HHAT: variants seen among roughly 807,000 people sequenced by gnomAD.
The protein encoded by HHAT is hedgehog acyltransferase, also known as protein-cysteine N-palmitoyltransferase HHAT.
Under a neutral mutation model 70.8 loss-of-function variants are expected in HHAT, and 47 were observed. That is an observed-to-expected ratio of 0.66 (90% confidence interval 0.53 to 0.85). The LOEUF (loss-of-function observed/expected upper bound fraction) is 0.85, where lower values mean the gene tolerates loss of function less well. Ranked by LOEUF, HHAT falls within the 40% of genes least tolerant of loss-of-function variation. HHAT has a pLI of 0.00. For missense variants in HHAT, 609 were observed against 604.8 expected (o/e 1.01, Z -0.07); for synonymous variants, 228 against 247.6 (o/e 0.92, Z 0.74).
At chr1:210,346,512 A>G (rs2086540276) in intron 1 of HHAT, among the ~76,000 whole-genome samples, 1 of 152,240 alleles carries the variant, frequency 6.6e-6, no homozygotes, top group Non-Finnish European at 1.5e-5. Context: ...GAAAAATAGT[A>G]AGGAACTTGA....
At chr1:210,551,294 C>T (rs1198731859) in intron 9 of HHAT, among the ~76,000 whole-genome samples, 1 of 148,898 alleles carries the variant, frequency 6.7e-6, no homozygotes, top group Non-Finnish European at 1.5e-5. Flanking sequence ...AAAGCAGAAT[C>T]CTTAGCACCC....
intron 11 of HHAT, among the ~76,000 whole-genome samples, chr1:210,631,937 A>C (rs73063642): frequency 0.014 from 2,146 of 152,332 alleles, 57 homozygotes; most frequent in African/African-American, 0.047. Flanking sequence ...AGACGGAAAA[A>C]AGCAAATCCT....
intron 7 of HHAT, among the ~76,000 whole-genome samples, chr1:210,425,504 G>C (rs758648365): frequency 6.6e-6 from 1 of 152,028 alleles, no homozygotes; most frequent in African/African-American, 2.4e-5. Flanking sequence ...AATCGATCTT[G>C]GGTTAATTTT....
intron 3 of HHAT, among the ~76,000 whole-genome samples, chr1:210,382,699 CTG>C (rs1439424255): frequency 6.6e-6 from 1 of 152,186 alleles, no homozygotes; most frequent in Non-Finnish European, 1.5e-5. Context: ...AAGCTTCACT[CTG>C]GAGCTGACAT....
chr1:210,623,903 A>G (rs1224378493), intron 11 of HHAT, among the ~76,000 whole-genome samples: 2 of 152,092 alleles, frequency 1.3e-5, no homozygotes, highest in Non-Finnish European at 1.5e-5. Context: ...TTAACACCAA[A>G]AGGTATTATT....
At chr1:210,665,321 G>C (rs1678667243) in intron 11 of HHAT, among the ~76,000 whole-genome samples, 2 of 152,250 alleles carry the variant, frequency 1.3e-5, no homozygotes, top group South Asian at 4.1e-4. Flanking sequence ...CTTAGGAGGT[G>C]AATCTTGTTT....
Position 210,466,131 on chromosome 1 carries a change from TGAATTGCAAGGAATCGCAAG to T in HHAT, c.1007+1491_1007+1510del, listed in dbSNP as rs1275816097. Among the ~76,000 whole-genome samples, 8 of 150,954 alleles carry T rather than the reference TGAATTGCAAGGAATCGCAAG, an allele frequency of 5.3e-5. No individual in the cohort carries two copies. In the South Asian group the frequency reaches 1.3e-3, roughly 24 times the overall value. ...AGGAATCGCAAGGAATCGCAAGGAATGAATTGCAAGGAATCGCAAGGAATTGCAAGGAATTGCAATTGCAA... is the reference window on the plus strand; with the variant it reads ...AGGAATCGCAAGGAATCGCAAGGAATGAATTGCAAGGAATTGCAATTGCAA... On this transcript the variant is annotated intron_variant, in intron 8 of 11. Coordinates refer to ENST00000261458, the MANE Select transcript of HHAT (RefSeq NM_018194.6).
At chr1:210,404,899 G>T (rs2148215593) in intron 6 of HHAT, among the ~76,000 whole-genome samples, 1 of 152,202 alleles carries the variant, frequency 6.6e-6, no homozygotes, top group Non-Finnish European at 1.5e-5. Flanking sequence ...GCTCTAGGGG[G>T]TCCCACCTTG....
intron 6 of HHAT, among the ~76,000 whole-genome samples, chr1:210,409,531 G>A (rs1387320981): frequency 6.6e-6 from 1 of 152,022 alleles, no homozygotes. Flanking sequence ...TAGGAGTAGG[G>A]GTATGGTCTG....
At chr1:210,348,166 G>C (rs2086682159) in intron 1 of HHAT, among the ~76,000 whole-genome samples, 1 of 152,134 alleles carries the variant, frequency 6.6e-6, no homozygotes, top group African/African-American at 2.4e-5. Flanking sequence ...GATCACTTGA[G>C]GCCAGGAAAT....
intron 8 of HHAT, among the ~76,000 whole-genome samples, chr1:210,503,120 C>T (rs2094791070): frequency 1.3e-5 from 2 of 152,130 alleles, no homozygotes; most frequent in African/African-American, 2.4e-5. Context: ...CCATGACACC[C>T]AGCTAATTTT....
At chr1:210,403,631 C>G (rs993931770) in intron 5 of HHAT, among the ~76,000 whole-genome samples, 3 of 152,166 alleles carry the variant, frequency 2.0e-5, no homozygotes, top group African/African-American at 4.8e-5. Flanking sequence ...TTAAGAGACC[C>G]TGATGGATCA....
intron 9 of HHAT, among the ~76,000 whole-genome samples, chr1:210,557,956 C>T (rs1441730759): frequency 1.3e-5 from 2 of 152,146 alleles, no homozygotes; most frequent in Non-Finnish European, 1.5e-5. Context: ...GGCTCATTTC[C>T]TAGAGGGTCA....
intron 2 of HHAT, among the ~76,000 whole-genome samples, chr1:210,350,659 G>C (rs544354615): frequency 6.6e-6 from 1 of 152,268 alleles, no homozygotes; most frequent in East Asian, 1.9e-4. Flanking sequence ...TTTTCTGTCA[G>C]TTCTTTCAGA....
intron 9 of HHAT, among the ~76,000 whole-genome samples, chr1:210,553,569 G>A (rs2148689303): frequency 6.6e-6 from 1 of 152,330 alleles, no homozygotes; most frequent in East Asian, 1.9e-4. Context: ...GGGTTTCATA[G>A]CCTCCTGAAG....
chr1:210,450,246 G>C (rs2093722151), intron 7 of HHAT, among the ~76,000 whole-genome samples: 1 of 150,736 alleles, frequency 6.6e-6, no homozygotes, highest in Non-Finnish European at 1.5e-5. Flanking sequence ...AGCCAAGATT[G>C]CGCCACTGCA....
chr1:210,486,344 G>T (rs986916100), intron 8 of HHAT, among the ~76,000 whole-genome samples: 1 of 152,130 alleles, frequency 6.6e-6, no homozygotes, highest in Non-Finnish European at 1.5e-5. Flanking sequence ...TACATTAAGC[G>T]AATGCTTACC....
At chr1:210,607,062 C>T (rs984309486) in intron 10 of HHAT, among the ~76,000 whole-genome samples, 10 of 152,286 alleles carry the variant, frequency 6.6e-5, no homozygotes, top group African/African-American at 2.2e-4. Context: ...AAACCTCGTG[C>T]TCTATATGTT....
intron 7 of HHAT, among the ~76,000 whole-genome samples, chr1:210,436,690 T>C (rs1321282651): frequency 6.6e-6 from 1 of 151,704 alleles, no homozygotes; most frequent in African/African-American, 2.4e-5. Context: ...GCTGTTGTCT[T>C]CCATTAACCA....
Sources: gnomAD v4.1 joint callset for allele counts (sites outside exome capture counted in the v4.1 genomes callset) on GRCh38, gnomAD v4.1.1 for gene constraint, MANE v1.5 for transcripts, NCBI Gene and HGNC (gene_info 2026-07-23, HGNC 2026-07-21) for gene names.